The following CHRNA7 variants were observed in gnomAD, a reference collection of about 807,000 sequenced individuals.
CHRNA7 encodes cholinergic receptor nicotinic alpha 7 subunit.
A neutral mutation model predicts 48.0 loss-of-function variants in CHRNA7; 17 were observed. The observed-to-expected ratio is 0.35, with a 90% CI of 0.24 to 0.53. The LOEUF is 0.53. Ranked by LOEUF, CHRNA7 falls within the 20% of genes least tolerant of loss-of-function variation. CHRNA7 has a pLI of 0.92. For missense variants in CHRNA7, 155 were observed against 577.7 expected (o/e 0.27, Z 7.50); for synonymous variants, 75 against 242.3 (o/e 0.31, Z 6.41).
At chr15:32,086,780 G>A (rs1311435209) in intron 2 of CHRNA7, among the ~76,000 whole-genome samples, 2 of 152,102 alleles carry the variant, frequency 1.3e-5, no homozygotes, top group Admixed American at 1.3e-4. Flanking sequence ...TCTCTTCATT[G>A]GGATTTGTTG....
intron 2 of CHRNA7, among the ~76,000 whole-genome samples, chr15:32,060,847 G>A (rs935279448): frequency 5.3e-5 from 8 of 152,312 alleles, no homozygotes; most frequent in African/African-American, 1.7e-4. Flanking sequence ...GCGGGAGGGC[G>A]TGTCTTCACT....
Position 32,128,874 on chromosome 15 carries a change from A to G in CHRNA7, c.350+16975A>G, listed in dbSNP as rs189164544. ...AGCATCCAGTCTTTCACTATTAAGT[A>G]TGATGCTAGCTGTAGGTTTTTTGTG... On this transcript the variant is annotated intron_variant, in intron 4 of 9. Transcript: ENST00000306901. 4.6e-5 allele frequency among the ~76,000 whole-genome samples: 7 copies of G among 152,072 alleles called. No homozygotes were observed. In the East Asian group the frequency reaches 1.2e-3, roughly 25 times the overall value.
rs551648363 is a variant in CHRNA7, at chr15:32,103,546, C to T, written c.240+2199C>T. On this transcript the variant is annotated intron_variant, in intron 3 of 9. Transcript: ENST00000306901. ...GTCAGGTGAGAGCCCTTGAGATATT[C>T]CCTTGCAGGATTTAAAGCAGCATAC... Among the ~76,000 whole-genome samples the T allele has an allele frequency of 4.4e-4, 67 of 152,238 alleles. No individual in the cohort carries two copies. The South Asian group carries it at 8.3e-3, about 19-fold the overall frequency.
chr15:32,097,360 C>T (rs2050488835), intron 2 of CHRNA7, among the ~76,000 whole-genome samples: 1 of 152,074 alleles, frequency 6.6e-6, no homozygotes, highest in South Asian at 2.1e-4. Context: ...TCTGAATCCC[C>T]AAGGCGATGG....
intron 3 of CHRNA7, among the ~76,000 whole-genome samples, chr15:32,108,640 A>G (rs2050711803): frequency 6.6e-6 from 1 of 152,160 alleles, no homozygotes; most frequent in Non-Finnish European, 1.5e-5. Context: ...ACACAGCATG[A>G]GGTTCCCACT....
At chr15:32,093,550 C>G (rs1308341637) in intron 2 of CHRNA7, among the ~76,000 whole-genome samples, 1 of 152,170 alleles carries the variant, frequency 6.6e-6, no homozygotes, top group Non-Finnish European at 1.5e-5. Flanking sequence ...CTGCCTTGCT[C>G]CCTTCAATCT....
At chr15:32,091,847 G>T (rs954752320) in intron 2 of CHRNA7, among the ~76,000 whole-genome samples, 1 of 152,074 alleles carries the variant, frequency 6.6e-6, no homozygotes, top group African/African-American at 2.4e-5. Context: ...TGTTTTGAAG[G>T]ATTTCTTGTG....
intron 4 of CHRNA7, among the ~76,000 whole-genome samples, chr15:32,150,382 T>C (rs556949348): frequency 2.0e-5 from 3 of 152,252 alleles, no homozygotes; most frequent in African/African-American, 7.2e-5. Flanking sequence ...TCTATGTTGC[T>C]GCTACTGAGG....
chr15:32,111,738 A>C, intron 3 of CHRNA7, 52 bp from the exon 4 acceptor site: 1 of 1,084,940 alleles, frequency 9.2e-7, no homozygotes, highest in Non-Finnish European at 1.4e-6. Context: ...GCTTATGAGA[A>C]ATATTAGTAG....
chr15:32,150,374 T>C (rs1020763917), intron 4 of CHRNA7, among the ~76,000 whole-genome samples: 3 of 152,100 alleles, frequency 2.0e-5, no homozygotes, highest in African/African-American at 7.3e-5. Flanking sequence ...CCATGCTTTC[T>C]ATGTTGCTGC....
At chr15:32,101,999 C>G (rs2050581010) in intron 3 of CHRNA7, 1 of 152,110 alleles carries the variant, frequency 6.6e-6, no homozygotes, top group South Asian at 2.1e-4. Flanking sequence ...ATGAACAAGC[C>G]TTTTTTTAAA....
chr15:32,053,788 TA>T (rs1046698538), intron 2 of CHRNA7, among the ~76,000 whole-genome samples: 3 of 152,184 alleles, frequency 2.0e-5, no homozygotes, highest in African/African-American at 7.2e-5. Context: ...TATTACGGGT[TA>T]AAAATTAGTG....
chr15:32,117,453 A>G (rs1471731308), intron 4 of CHRNA7, among the ~76,000 whole-genome samples: 2 of 152,196 alleles, frequency 1.3e-5, no homozygotes, highest in African/African-American at 4.8e-5. Context: ...ATGGTCTGCT[A>G]CAGCGCAGAT....
In CHRNA7 at chr15:32,041,978, A is replaced by G. The variant is rs183848596; in HGVS notation, c.195+10941A>G. On this transcript the variant is annotated intron_variant, in intron 2 of 9. Coordinates refer to ENST00000306901, the MANE Select transcript of CHRNA7 (RefSeq NM_000746.6). ...TTGTAAATTCTGATCTGATAATTCC[A>G]ATACTGCTGCTATGTCTGGTACTAA... Among the ~76,000 whole-genome samples the G allele has an allele frequency of 1.2e-3, 179 of 152,300 alleles. 1 individual carries two copies. Among genetic ancestry groups the G allele is most frequent in the Non-Finnish European group, 2.2e-3 (148 of 68,036 alleles).
At chr15:32,144,189 G>A (rs1450647111) in intron 4 of CHRNA7, among the ~76,000 whole-genome samples, 1 of 152,144 alleles carries the variant, frequency 6.6e-6, no homozygotes, top group Non-Finnish European at 1.5e-5. Flanking sequence ...GCTTGGTTTG[G>A]CTGGATATGA....
At chr15:32,063,540 GT>G (rs2049914555) in intron 2 of CHRNA7, among the ~76,000 whole-genome samples, 1 of 152,162 alleles carries the variant, frequency 6.6e-6, no homozygotes, top group Non-Finnish European at 1.5e-5. Flanking sequence ...CACCAACCAG[GT>G]AGTTTCCCCA....
intron 4 of CHRNA7, among the ~76,000 whole-genome samples, chr15:32,127,521 G>A (rs2051088526): frequency 1.3e-5 from 2 of 152,024 alleles, no homozygotes; most frequent in South Asian, 4.1e-4. Flanking sequence ...AACCCATTGT[G>A]TTTTTAATTT....
chr15:32,063,825 C>T (rs916894703), intron 2 of CHRNA7, among the ~76,000 whole-genome samples: 1 of 152,138 alleles, frequency 6.6e-6, no homozygotes, highest in Non-Finnish European at 1.5e-5. Flanking sequence ...ATGTCAGGAA[C>T]CATGGACAAA....
chr15:32,039,533 C>T (rs902472688), intron 2 of CHRNA7, among the ~76,000 whole-genome samples: 37 of 152,092 alleles, frequency 2.4e-4, no homozygotes, highest in Non-Finnish European at 5.0e-4. Flanking sequence ...TATTTAAAGG[C>T]ATATTGTCTA....
Sources: gnomAD v4.1 joint callset for allele counts (sites outside exome capture counted in the v4.1 genomes callset) on GRCh38, gnomAD v4.1.1 for gene constraint, MANE v1.5 for transcripts, NCBI Gene and HGNC (gene_info 2026-07-23, HGNC 2026-07-21) for gene names.